TBCA: variants seen among roughly 807,000 people sequenced by gnomAD.
TBCA encodes the protein tubulin-specific chaperone A.
TBCA carries 6 observed loss-of-function variants against 15.8 expected under a neutral mutation model. The ratio of observed to expected loss-of-function variants is 0.38; its 90% confidence interval spans 0.21 to 0.75. The LOEUF (loss-of-function observed/expected upper bound fraction) is 0.75, where lower values mean the gene tolerates loss of function less well. Ranked by LOEUF, TBCA falls within the 30% of genes least tolerant of loss-of-function variation. The probability of loss-of-function intolerance (pLI) is 0.46; values close to 1 mark genes in which losing one functional copy is unlikely to be tolerated. For synonymous variants in TBCA, 32 were observed against 42.3 expected, an observed-to-expected ratio of 0.76 and a Z score of 0.94; for missense variants, 90 against 131.2, an observed-to-expected ratio of 0.69 and a Z score of 1.53.
chr5:77,725,866 T>C (rs1746621860), intron 1 of TBCA, among the ~76,000 whole-genome samples: 1 of 152,092 alleles, frequency 6.6e-6, no homozygotes, highest in Non-Finnish European at 1.5e-5. Context: ...GGAATGCAAA[T>C]AACAAAACGA....
chr5:77,700,460 A>G (rs2112427934), intron 2 of TBCA, among the ~76,000 whole-genome samples: 1 of 152,320 alleles, frequency 6.6e-6, no homozygotes, highest in South Asian at 2.1e-4. Flanking sequence ...AAAAACATTC[A>G]ACATTATTAG....
At chr5:77,708,173 G>GT (rs1746191026) in intron 2 of TBCA, 69 bp downstream of exon 2, 1 of 1,089,488 alleles carries the variant, frequency 9.2e-7, no homozygotes, top group Non-Finnish European at 1.3e-6. Flanking sequence ...GAGGACTACT[G>GT]TAAAAACTAC....
intron 1 of TBCA, among the ~76,000 whole-genome samples, chr5:77,750,977 G>C (rs1580127348): frequency 6.6e-6 from 1 of 152,118 alleles, no homozygotes; most frequent in African/African-American, 2.4e-5. Flanking sequence ...TCTGGGTTAA[G>C]ATAAGGGTTA....
intron 1 of TBCA, among the ~76,000 whole-genome samples, chr5:77,775,766 TC>T (rs1210888040): frequency 2.0e-5 from 3 of 152,050 alleles, no homozygotes; most frequent in African/African-American, 7.2e-5. Flanking sequence ...ATCCTCCGCA[TC>T]CCCCTAAACT....
At chr5:77,700,030 CA>C (rs67790719) in intron 2 of TBCA, among the ~76,000 whole-genome samples, 1,672 of 86,086 alleles carry the variant, frequency 0.019, 19 homozygotes, top group African/African-American at 0.073. Context: ...GGCTCTGACT[CA>C]AAAAAAAAAA....
chr5:77,716,198 CTAAG>C (rs1746396119), intron 1 of TBCA, among the ~76,000 whole-genome samples: 1 of 151,976 alleles, frequency 6.6e-6, no homozygotes, highest in African/African-American at 2.4e-5. Flanking sequence ...TGAATAAAAT[CTAAG>C]TTAGTGTATT....
At chr5:77,766,078 C>G (rs932756138) in intron 1 of TBCA, among the ~76,000 whole-genome samples, 2 of 152,092 alleles carry the variant, frequency 1.3e-5, no homozygotes, top group African/African-American at 4.8e-5. Context: ...ATACCACCTA[C>G]TCCCCATGAG....
chr5:77,753,324 T>TG (rs1373601475), intron 1 of TBCA, among the ~76,000 whole-genome samples: 5 of 152,236 alleles, frequency 3.3e-5, no homozygotes, highest in Admixed American at 6.5e-5. Flanking sequence ...TTAAGTCAAT[T>TG]GATTAGAGCT....
chr5:77,730,743 T>C (rs555451520), intron 1 of TBCA, among the ~76,000 whole-genome samples: 3 of 152,170 alleles, frequency 2.0e-5, no homozygotes, highest in African/African-American at 7.2e-5. Context: ...ATCCATCCAA[T>C]ATTTACCAAA....
intron 1 of TBCA, 57 bp from the exon 2 acceptor site, chr5:77,708,404 A>C (rs9791128): frequency 7.9e-6 from 8 of 1,009,136 alleles, no homozygotes; most frequent in Admixed American, 2.2e-5. Context: ...ACCATAAGAA[A>C]GAAACTGTGT....
intron 3 of TBCA, 86 bp downstream of exon 3, chr5:77,693,180 C>A: frequency 6.4e-7 from 1 of 1,556,828 alleles, no homozygotes; most frequent in Non-Finnish European, 8.7e-7. Context: ...CCAACTAGTT[C>A]TCAGTGTTAA....
At chr5:77,763,197 T>C (rs397698) in intron 1 of TBCA, among the ~76,000 whole-genome samples, 66,952 of 151,868 alleles carry the variant, frequency 0.44, 14,932 homozygotes, top group East Asian at 0.53. Flanking sequence ...TGAGTCGAGA[T>C]TGCGCCACTG....
At chr5:77,757,213 T>A (rs935252383) in intron 1 of TBCA, among the ~76,000 whole-genome samples, 1 of 152,032 alleles carries the variant, frequency 6.6e-6, no homozygotes, top group Non-Finnish European at 1.5e-5. Flanking sequence ...AATCCAACAA[T>A]ATGATTACAG....
At chr5:77,742,984 C>G (rs527957336) in intron 1 of TBCA, among the ~76,000 whole-genome samples, 1 of 152,278 alleles carries the variant, frequency 6.6e-6, no homozygotes, top group South Asian at 2.1e-4. Context: ...ACACATCCCT[C>G]AACAAGATAG....
chr5:77,727,351 T>A (rs968017091), intron 1 of TBCA, among the ~76,000 whole-genome samples: 6 of 151,784 alleles, frequency 4.0e-5, no homozygotes, highest in Non-Finnish European at 7.4e-5. Context: ...CAAGACAGAG[T>A]TCTTGCTTCT....
chr5:77,751,978 GTACCAAGA>G (rs1580128427), intron 1 of TBCA, among the ~76,000 whole-genome samples: 2 of 152,082 alleles, frequency 1.3e-5, no homozygotes, highest in African/African-American at 4.8e-5. Context: ...GATCTGGGTG[GTACCAAGA>G]TCATCTGGTC....
chr5:77,742,670 A>C (rs1201328770), intron 1 of TBCA, among the ~76,000 whole-genome samples: 2 of 152,210 alleles, frequency 1.3e-5, no homozygotes, highest in Non-Finnish European at 2.9e-5. Context: ...AATTTTGCTG[A>C]AATACAATTC....
At chr5:77,771,299 A>G (rs1028915230) in intron 1 of TBCA, among the ~76,000 whole-genome samples, 1 of 152,172 alleles carries the variant, frequency 6.6e-6, no homozygotes, top group Non-Finnish European at 1.5e-5. Flanking sequence ...AATACTATTA[A>G]AATCTTGTTG....
chr5:77,760,670 G>C lies in TBCA; in HGVS notation c.53+15535C>G, dbSNP rs189414370. Among the ~76,000 whole-genome samples the C allele has an allele frequency of 9.3e-4, 142 of 152,336 alleles. 1 individual carries two copies. The highest frequency in any genetic ancestry group is 3.2e-3 in the African/African-American group (135 of 41,588). On this transcript the variant is annotated intron_variant, in intron 1 of 3. Coordinates refer to ENST00000380377, the MANE Select transcript of TBCA (RefSeq NM_004607.3). ...GCTCCTGACCTCTAGTGATCCGCCT[G>C]CCTCGGGCTCCCGAGGTGCTGGGAT...
Sources: gnomAD v4.1 joint callset for allele counts (sites outside exome capture counted in the v4.1 genomes callset) on GRCh38, gnomAD v4.1.1 for gene constraint, MANE v1.5 for transcripts, NCBI Gene and HGNC (gene_info 2026-07-23, HGNC 2026-07-21) for gene names.